RBM27: variants seen among roughly 807,000 people sequenced by gnomAD.
RBM27 encodes the protein RNA-binding protein 27.
In RBM27, 22 loss-of-function variants were observed where a neutral mutation model predicts 135.3. The ratio of observed to expected loss-of-function variants is 0.16; its 90% CI spans 0.12 to 0.23. RBM27 has a LOEUF of 0.23. Ranked by LOEUF, RBM27 falls within the 10% of genes least tolerant of loss-of-function variation. RBM27 has a pLI of 1.00. For synonymous variants in RBM27, 481 were observed against 442.4 expected (o/e 1.09, Z -1.10); for missense variants, 1,009 against 1,281.0 (o/e 0.79, Z 3.24).
At chr5:146,211,483 T>A (rs1227928206) in intron 1 of RBM27, among the ~76,000 whole-genome samples, 1 of 135,852 alleles carries the variant, frequency 7.4e-6, no homozygotes, top group Non-Finnish European at 1.6e-5. Context: ...TTTTTTTTTT[T>A]TTTTTTTTTT....
intron 16 of RBM27, 27 bp downstream of exon 16, chr5:146,269,308 G>A: frequency 6.4e-7 from 1 of 1,551,176 alleles, no homozygotes; most frequent in Non-Finnish European, 8.8e-7. Flanking sequence ...TTATTTGCAT[G>A]CTAGAATTGA....
intron 19 of RBM27, among the ~76,000 whole-genome samples, 184 bp downstream of exon 19, chr5:146,271,858 A>G (rs527585948): frequency 2.6e-5 from 4 of 152,368 alleles, no homozygotes; most frequent in African/African-American, 9.6e-5. Flanking sequence ...TTTTGATTCC[A>G]TAATACTCCA....
At chr5:146,284,883 A>G (rs1027867081) in intron 20 of RBM27, 151 bp downstream of exon 20, 1 of 537,878 alleles carries the variant, frequency 1.9e-6, no homozygotes, top group African/African-American at 1.9e-5. Context: ...AGAGAATTAA[A>G]ACAGGTCTAG....
At chr5:146,230,525 G>A (rs780042396) in intron 5 of RBM27, 132 bp from the exon 6 acceptor site, 32 of 916,554 alleles carry the variant, frequency 3.5e-5, no homozygotes, top group Non-Finnish European at 5.0e-5. Context: ...AAAGAGAGGA[G>A]TATGAAATAT....
Position 146,203,675 on chromosome 5 carries a change from G to C in RBM27, c.-91G>C, listed in dbSNP as rs1455486473. ...AGATGCCCGGTGGGCTGGGGCACCG[G>C]GAGCTGTGAAGGGAACGTGAGGGGG... is the stretch of plus-strand genomic sequence containing the variant. On this transcript the variant is annotated 5_prime_UTR_variant, in exon 1 of 21. Coordinates refer to ENST00000265271, the MANE Select transcript of RBM27 (RefSeq NM_018989.2). 9.0e-6 allele frequency: 11 copies of C among 1,218,256 alleles called. No individual in the cohort carries two copies. Among genetic ancestry groups the C allele is most frequent in the Non-Finnish European group, 9.4e-6 (8 of 850,170 alleles). 75.5% of individuals were successfully genotyped at this position (1,218,256 alleles called of 1,614,324 possible). A position where few individuals can be genotyped will look rare whatever the true frequency, so the allele number is the denominator to read the frequency against.
At chr5:146,269,634 T>C (rs777561493) in intron 17 of RBM27, 50 bp downstream of exon 17, 2 of 1,309,958 alleles carry the variant, frequency 1.5e-6, no homozygotes, top group Non-Finnish European at 2.0e-6. Flanking sequence ...ACATCTGCCA[T>C]GTGCTTGACA....
At chr5:146,270,274 A>G (rs1365089363) in intron 17 of RBM27, among the ~76,000 whole-genome samples, 2 of 152,184 alleles carry the variant, frequency 1.3e-5, no homozygotes, top group African/African-American at 4.8e-5. Context: ...AGATAATTCT[A>G]GTCCTTTGAG....
At chr5:146,271,097 C>T (rs773537987) in intron 18 of RBM27, 39 bp downstream of exon 18, 14 of 1,519,428 alleles carry the variant, frequency 9.2e-6, no homozygotes, top group Admixed American at 1.7e-5. Context: ...CCACATTTAA[C>T]GTCTCAAAAA....
intron 9 of RBM27, among the ~76,000 whole-genome samples, chr5:146,254,431 ATT>A (rs66791963): frequency 1.9e-4 from 27 of 145,658 alleles, no homozygotes; most frequent in East Asian, 1.4e-3. Flanking sequence ...TAATAGGAGC[ATT>A]TTTTTTTTTT....
chr5:146,203,990 T>G (rs1227596191), intron 1 of RBM27, among the ~76,000 whole-genome samples, 166 bp downstream of exon 1: 14 of 105,178 alleles, frequency 1.3e-4, no homozygotes, highest in South Asian at 2.9e-4. Context: ...GGGGTGAGGG[T>G]GGGAGAGGAG....
At chr5:146,222,159 T>A (rs984965781) in intron 2 of RBM27, among the ~76,000 whole-genome samples, 1 of 152,244 alleles carries the variant, frequency 6.6e-6, no homozygotes, top group Admixed American at 6.5e-5. Flanking sequence ...TATGTAATAG[T>A]CAATGAGAGC....
In RBM27 at chr5:146,267,715, C is replaced by G; in HGVS notation, c.2398C>G (p.Leu800Val). 1.2e-6 allele frequency: 2 copies of G among 1,608,700 alleles called. No individual in the cohort carries two copies. Among genetic ancestry groups the G allele is most frequent in the Non-Finnish European group, 1.7e-6 (2 of 1,177,028 alleles). ...CTCAAACTTAAAGACACCTTCAAAG[C>G]TCTGTTCAGGGTCTAAATCTCATGA... ...SSSNLKTPSK[L>V]CSGSKSHDVQ... The change falls in exon 15 of 21, where the codon CTC (leucine) becomes GTC (valine). Residue 800 changes from leucine to valine, a missense_variant. This residue lies in a region of RBM27 where 355 missense variants were observed against 427.3 expected (regional missense o/e 0.83). Coordinates refer to ENST00000265271, the MANE Select transcript of RBM27 (RefSeq NM_018989.2).
chr5:146,265,945 C>T (rs746987275), intron 14 of RBM27, among the ~76,000 whole-genome samples: 1 of 152,124 alleles, frequency 6.6e-6, no homozygotes, highest in South Asian at 2.1e-4. Context: ...AAAAAAAAGG[C>T]AACAAAATAT....
intron 19 of RBM27, among the ~76,000 whole-genome samples, chr5:146,274,403 C>T (rs111407934): frequency 0.019 from 2,907 of 151,954 alleles, 104 homozygotes; most frequent in African/African-American, 0.067. Context: ...ACTACAGGCA[C>T]GCACGACCAC....
At position 146,260,086 on chromosome 5, in the gene RBM27, G is replaced by A. The variant is rs138462167; in HGVS notation, c.1740-659G>A. On this transcript the variant is annotated intron_variant, in intron 11 of 20. Transcript: ENST00000265271. Reference sequence around the variant, plus strand: ...AGGCCGAGACGGGTAGATCACCGACGCCAGGAGTTCAAGACCAGCCTGGCC... The same window carrying A: ...AGGCCGAGACGGGTAGATCACCGACACCAGGAGTTCAAGACCAGCCTGGCC... Among the ~76,000 whole-genome samples the A allele has an allele frequency of 1.7e-3, 255 of 149,552 alleles. 3 individuals carry two copies. The East Asian group carries it at 0.041, about 24-fold the overall frequency.
At chr5:146,272,854 A>G (rs1758929704) in intron 19 of RBM27, among the ~76,000 whole-genome samples, 1 of 152,186 alleles carries the variant, frequency 6.6e-6, no homozygotes, top group Non-Finnish European at 1.5e-5. Flanking sequence ...AGGCCAAGAA[A>G]AGTGTCCAGA....
intron 19 of RBM27, among the ~76,000 whole-genome samples, chr5:146,272,532 G>A (rs1283174403): frequency 1.3e-5 from 2 of 152,074 alleles, no homozygotes; most frequent in African/African-American, 4.8e-5. Flanking sequence ...GACCAGCCTG[G>A]CCAACATGGT....
chr5:146,224,543 G>C (rs1434048599), intron 3 of RBM27, among the ~76,000 whole-genome samples: 1 of 152,010 alleles, frequency 6.6e-6, no homozygotes, highest in African/African-American at 2.4e-5. Flanking sequence ...TTAGTTGGGC[G>C]TAGTGGCAGG....
intron 19 of RBM27, among the ~76,000 whole-genome samples, chr5:146,272,662 C>T (rs1010524619): frequency 1.3e-5 from 2 of 150,306 alleles, no homozygotes; most frequent in Non-Finnish European, 2.9e-5. Flanking sequence ...GCAGAGGTTG[C>T]AGTGAGCTGA....
Sources: allele counts gnomAD v4.1 joint callset (sites outside exome capture counted in the v4.1 genomes callset), GRCh38; gene constraint gnomAD v4.1.1; regional missense constraint gnomAD v4.1.1; transcripts MANE v1.5; gene names NCBI Gene and HGNC (gene_info 2026-07-23, HGNC 2026-07-21).